MYO3A: variants seen among roughly 807,000 people sequenced by gnomAD.
MYO3A encodes myosin IIIA.
Under a neutral mutation model 192.7 loss-of-function variants are expected in MYO3A, and 180 were observed. The observed-to-expected ratio is 0.93, with a 90% CI of 0.83 to 1.06. The LOEUF (loss-of-function observed/expected upper bound fraction) is 1.06. MYO3A is among the 50% of genes least tolerant of loss of function. MYO3A has a pLI of 0.00. For missense variants in MYO3A, 1,896 were observed against 1,905.0 expected (o/e 1.00, Z 0.09); for synonymous variants, 628 against 645.3 (o/e 0.97, Z 0.41).
intron 2 of MYO3A, among the ~76,000 whole-genome samples, chr10:25,944,197 CATTG>C (rs1405875771): frequency 6.6e-6 from 1 of 151,900 alleles, no homozygotes; most frequent in Non-Finnish European, 1.5e-5. Context: ...TGGCATATTA[CATTG>C]ATTGATTTTC....
At chr10:26,176,569 G>A (rs1842345149) in intron 30 of MYO3A, 132 bp from the exon 31 acceptor site, 1 of 775,070 alleles carries the variant, frequency 1.3e-6, no homozygotes, top group African/African-American at 1.7e-5. Context: ...TGGTGCAAGG[G>A]ACAGGGTGGG....
intron 17 of MYO3A, among the ~76,000 whole-genome samples, chr10:26,106,627 A>G (rs188497397): frequency 1.3e-5 from 2 of 152,158 alleles, no homozygotes; most frequent in South Asian, 2.1e-4. Flanking sequence ...TTTGGAAAAG[A>G]ATATTTATCA....
intron 7 of MYO3A, among the ~76,000 whole-genome samples, chr10:26,017,529 T>C (rs2131051915): frequency 6.6e-6 from 1 of 152,294 alleles, no homozygotes; most frequent in East Asian, 1.9e-4. Context: ...GGGAAAGCGC[T>C]GCTATTTATC....
chr10:25,996,836 T>G (rs1392270294), intron 5 of MYO3A, among the ~76,000 whole-genome samples: 2 of 152,210 alleles, frequency 1.3e-5, no homozygotes, highest in Non-Finnish European at 2.9e-5. Context: ...ACTGTGATAG[T>G]GATGAAGGTA....
chr10:26,188,448 T>G (rs943580373), intron 31 of MYO3A, among the ~76,000 whole-genome samples: 2 of 152,232 alleles, frequency 1.3e-5, no homozygotes, highest in African/African-American at 4.8e-5. Flanking sequence ...AGGTTGCCTA[T>G]TCACTCTGAT....
intron 32 of MYO3A, 61 bp from the exon 33 acceptor site, chr10:26,201,204 T>C (rs1307859160): frequency 1.4e-5 from 12 of 851,730 alleles, no homozygotes; most frequent in Non-Finnish European, 2.1e-5. Flanking sequence ...ATTATAGTTA[T>C]ATATCCATTA....
chr10:25,961,646 A>C (rs2130649594), intron 4 of MYO3A, among the ~76,000 whole-genome samples: 1 of 152,204 alleles, frequency 6.6e-6, no homozygotes, highest in African/African-American at 2.4e-5. Context: ...GGGAAAAAAA[A>C]GGCTAAGGAA....
intron 20 of MYO3A, among the ~76,000 whole-genome samples, chr10:26,129,948 T>C (rs765676036): frequency 2.0e-5 from 3 of 152,222 alleles, no homozygotes; most frequent in Non-Finnish European, 2.9e-5. Context: ...GGACCAGGTG[T>C]ATCCCCATGC....
At chr10:26,050,487 G>A (rs1188038628) in intron 10 of MYO3A, among the ~76,000 whole-genome samples, 1 of 152,110 alleles carries the variant, frequency 6.6e-6, no homozygotes, top group Non-Finnish European at 1.5e-5. Context: ...CTCCATCTTT[G>A]CAACAAAATT....
intron 10 of MYO3A, among the ~76,000 whole-genome samples, chr10:26,026,942 C>T (rs1461296583): frequency 6.6e-6 from 1 of 152,248 alleles, no homozygotes; most frequent in Admixed American, 6.5e-5. Context: ...CCTTGTGATC[C>T]GCCCACCTCG....
chr10:26,122,310 A>G (rs1838920854), intron 18 of MYO3A, among the ~76,000 whole-genome samples: 1 of 152,248 alleles, frequency 6.6e-6, no homozygotes, highest in African/African-American at 2.4e-5. Flanking sequence ...TATCATTAAA[A>G]TTAACATACT....
rs1839809632 is a variant in MYO3A, at chr10:25,988,675, TA to T, written c.304-7811del. 3.9e-5 allele frequency among the ~76,000 whole-genome samples: 6 copies of T among 152,244 alleles called. No individual in the cohort carries two copies. In the South Asian group the frequency reaches 1.2e-3, roughly 32 times the overall value. Reference sequence around the variant, plus strand: ...TCTACTTATAATTGCCAAAAACAATTAAAATGCCTTTCAGTTTTATAAATGA... The same window carrying T: ...TCTACTTATAATTGCCAAAAACAATTAAATGCCTTTCAGTTTTATAAATGA... On this transcript the variant is annotated intron_variant, in intron 4 of 34. Transcript: ENST00000642920.
At chr10:25,989,261 CTTTT>C (rs761028666) in intron 4 of MYO3A, among the ~76,000 whole-genome samples, 1 of 135,174 alleles carries the variant, frequency 7.4e-6, no homozygotes, top group Non-Finnish European at 1.6e-5. Context: ...AGTTTTTTGG[CTTTT>C]TTTTTTTTTT....
intron 27 of MYO3A, among the ~76,000 whole-genome samples, chr10:26,167,281 G>A (rs1841805270): frequency 6.6e-6 from 1 of 150,848 alleles, no homozygotes; most frequent in South Asian, 2.1e-4. Flanking sequence ...AACTATCCCT[G>A]TAACAATTTA....
At chr10:26,078,954 T>C (rs1196888) in intron 14 of MYO3A, among the ~76,000 whole-genome samples, 24,855 of 152,170 alleles carry the variant, frequency 0.16, 2,463 homozygotes, top group South Asian at 0.23. Flanking sequence ...TGGAGAAAGT[T>C]CCATGCACTG....
intron 17 of MYO3A, among the ~76,000 whole-genome samples, chr10:26,111,386 G>A (rs991154094): frequency 6.6e-6 from 1 of 152,088 alleles, no homozygotes; most frequent in Non-Finnish European, 1.5e-5. Flanking sequence ...TGATGTCCCA[G>A]GCATCATAAA....
intron 2 of MYO3A, among the ~76,000 whole-genome samples, chr10:25,949,350 A>G (rs947869981): frequency 1.2e-4 from 18 of 152,250 alleles, no homozygotes; most frequent in Admixed American, 1.1e-3. Context: ...TTACTGCTTG[A>G]AAGGCAGTAT....
chr10:26,133,550 T>C (rs1839669051), intron 20 of MYO3A, among the ~76,000 whole-genome samples: 2 of 152,250 alleles, frequency 1.3e-5, no homozygotes, highest in Admixed American at 6.5e-5. Context: ...TGTGGGGATT[T>C]GTGGTACTTA....
chr10:25,985,456 C>T (rs528709139), intron 4 of MYO3A, among the ~76,000 whole-genome samples: 23 of 151,728 alleles, frequency 1.5e-4, no homozygotes, highest in African/African-American at 5.6e-4. Flanking sequence ...CAAAGATTAA[C>T]CAAGAAAAGG....
Sources: allele counts gnomAD v4.1 joint callset (sites outside exome capture counted in the v4.1 genomes callset), GRCh38; gene constraint gnomAD v4.1.1; transcripts MANE v1.5; gene names NCBI Gene and HGNC (gene_info 2026-07-23, HGNC 2026-07-21).